The following ELMO1 variants were observed in gnomAD, a reference collection of about 807,000 sequenced individuals.
ELMO1 encodes engulfment and cell motility protein 1.
A neutral mutation model predicts 98.9 loss-of-function variants in ELMO1; 26 were observed. That is an observed-to-expected ratio of 0.26 (90% confidence interval 0.19 to 0.36). ELMO1 has a LOEUF of 0.36. Among genes scored for constraint, ELMO1 ranks in the 10% least tolerant of loss-of-function variants. The pLI is 1.00. For missense variants in ELMO1, 627 were observed against 935.2 expected (o/e 0.67, Z 4.30); for synonymous variants, 346 against 346.0 (o/e 1.00, Z 0.00).
At chr7:37,050,745 T>C (rs1796065060) in intron 15 of ELMO1, among the ~76,000 whole-genome samples, 1 of 150,236 alleles carries the variant, frequency 6.7e-6, no homozygotes, top group Non-Finnish European at 1.5e-5. Context: ...CATCATGTGG[T>C]ACACCTTAAA....
intron 4 of ELMO1, among the ~76,000 whole-genome samples, chr7:37,280,263 C>T (rs988812109): frequency 7.2e-5 from 11 of 152,148 alleles, no homozygotes; most frequent in African/African-American, 2.2e-4. Context: ...CAGATAACAT[C>T]GGAAGAACCC....
At chr7:37,130,828 T>C (rs1439136257) in intron 14 of ELMO1, among the ~76,000 whole-genome samples, 1 of 152,020 alleles carries the variant, frequency 6.6e-6, no homozygotes, top group Admixed American at 6.6e-5. Flanking sequence ...AGAGAGTGAA[T>C]AGTGAGGCTA....
At chr7:37,233,493 C>G (rs1794295369) in intron 7 of ELMO1, among the ~76,000 whole-genome samples, 1 of 152,134 alleles carries the variant, frequency 6.6e-6, no homozygotes, top group Non-Finnish European at 1.5e-5. Context: ...ACTGACCCTG[C>G]CTGAGCCTCT....
At chr7:36,995,088 T>C (rs1306281538) in intron 16 of ELMO1, among the ~76,000 whole-genome samples, 1 of 152,178 alleles carries the variant, frequency 6.6e-6, no homozygotes, top group African/African-American at 2.4e-5. Flanking sequence ...AGATAATACA[T>C]GTTAGGTAGC....
At chr7:36,999,969 G>T (rs890476778) in intron 16 of ELMO1, among the ~76,000 whole-genome samples, 2 of 152,150 alleles carry the variant, frequency 1.3e-5, no homozygotes, top group East Asian at 3.9e-4. Flanking sequence ...TTTACTCACA[G>T]CCTTTTTTTT....
chr7:36,904,502 A>C (rs1783816081), intron 16 of ELMO1, among the ~76,000 whole-genome samples: 1 of 152,134 alleles, frequency 6.6e-6, no homozygotes, highest in Middle Eastern at 3.2e-3. Flanking sequence ...GCAATGTCTT[A>C]CCCTGCAGTT....
intron 15 of ELMO1, among the ~76,000 whole-genome samples, chr7:37,059,290 C>T (rs1796545908): frequency 6.6e-6 from 1 of 152,174 alleles, no homozygotes; most frequent in Admixed American, 6.5e-5. Flanking sequence ...CTTTGCAGTG[C>T]TTGTCAAGAG....
chr7:37,230,703 G>A lies in ELMO1; in HGVS notation c.549+2392C>T, dbSNP rs17170948. ...AAGAGGCTCTCATAACAGACAAGCC[G>A]GGCACTCTGGAGGTAGAAAAGAAAG... On this transcript the variant is annotated intron_variant, in intron 8 of 21. Coordinates refer to ENST00000310758, the MANE Select transcript of ELMO1 (RefSeq NM_014800.11). Among the ~76,000 whole-genome samples the A allele has an allele frequency of 2.9e-3, 447 of 152,206 alleles. 3 individuals are homozygous for A. The highest frequency in any genetic ancestry group is 0.01 in the African/African-American group (435 of 41,532).
At chr7:36,967,142 G>C (rs1346021353) in intron 16 of ELMO1, among the ~76,000 whole-genome samples, 4 of 152,164 alleles carry the variant, frequency 2.6e-5, no homozygotes, top group Admixed American at 2.6e-4. Flanking sequence ...TAGTTTACAA[G>C]AGCTTCTCTC....
At chr7:37,403,451 CATA>C (rs1803618643) in intron 1 of ELMO1, among the ~76,000 whole-genome samples, 1 of 152,132 alleles carries the variant, frequency 6.6e-6, no homozygotes, top group Admixed American at 6.5e-5. Context: ...TAGGGGGGTG[CATA>C]GGTGAAGCAT....
chr7:36,976,578 C>T (rs1790568348), intron 16 of ELMO1, among the ~76,000 whole-genome samples: 3 of 152,166 alleles, frequency 2.0e-5, no homozygotes, highest in South Asian at 2.1e-4. Context: ...ACTTATGGTT[C>T]CTTATTTAAA....
At chr7:36,984,763 C>T (rs769104689) in intron 16 of ELMO1, among the ~76,000 whole-genome samples, 1 of 152,128 alleles carries the variant, frequency 6.6e-6, no homozygotes, top group Non-Finnish European at 1.5e-5. Context: ...TGCTATGACA[C>T]TTTCAGGCAC....
At chr7:37,035,238 A>G (rs144533463) in intron 15 of ELMO1, among the ~76,000 whole-genome samples, 2,652 of 152,344 alleles carry the variant, frequency 0.017, 23 homozygotes, top group Middle Eastern at 0.044. Context: ...TATTAGCTAG[A>G]CAATTTTAAA....
At chr7:37,411,388 A>C (rs913824871) in intron 1 of ELMO1, among the ~76,000 whole-genome samples, 2 of 152,240 alleles carry the variant, frequency 1.3e-5, no homozygotes, top group African/African-American at 4.8e-5. Context: ...TGGGTACAAT[A>C]AATTGTAGCA....
intron 1 of ELMO1, among the ~76,000 whole-genome samples, chr7:37,438,583 G>C (rs1392446209): frequency 7.6e-6 from 1 of 131,106 alleles, no homozygotes; most frequent in Non-Finnish European, 1.6e-5. Context: ...CTGAGCAACA[G>C]AATGAGACTC....
At chr7:37,211,123 G>A (rs902107876) in intron 13 of ELMO1, 4 of 369,864 alleles carry the variant, frequency 1.1e-5, no homozygotes, top group South Asian at 4.0e-5. Flanking sequence ...GATACATTCC[G>A]GGCTAACTAC....
intron 13 of ELMO1, among the ~76,000 whole-genome samples, chr7:37,202,518 C>T (rs1563074512): frequency 6.6e-6 from 1 of 152,144 alleles, no homozygotes; most frequent in Non-Finnish European, 1.5e-5. Flanking sequence ...CTTCTCTTCA[C>T]CTAGAATGAT....
chr7:37,151,754 A>T (rs1788374915), intron 13 of ELMO1, among the ~76,000 whole-genome samples: 1 of 152,196 alleles, frequency 6.6e-6, no homozygotes, highest in African/African-American at 2.4e-5. Flanking sequence ...TTTAAAAATC[A>T]GTGTTGAAAT....
intron 7 of ELMO1, among the ~76,000 whole-genome samples, chr7:37,233,681 C>A (rs1794306745): frequency 6.6e-6 from 1 of 152,048 alleles, no homozygotes; most frequent in African/African-American, 2.4e-5. Flanking sequence ...CCATACACAT[C>A]CAAAGAGAAA....
Sources: allele counts gnomAD v4.1 joint callset (sites outside exome capture counted in the v4.1 genomes callset), GRCh38; gene constraint gnomAD v4.1.1; transcripts MANE v1.5; gene names NCBI Gene and HGNC (gene_info 2026-07-23, HGNC 2026-07-21).